Variants in CMTM4 observed in about 807,000 individuals in gnomAD.
CMTM4 encodes CKLF-like MARVEL transmembrane domain-containing protein 4.
Under a neutral mutation model 19.0 loss-of-function variants are expected in CMTM4, and 8 were observed. That is an observed-to-expected ratio of 0.42 (90% CI 0.25 to 0.76). The LOEUF is 0.76. CMTM4 is among the 30% of genes least tolerant of loss of function. The probability of loss-of-function intolerance (pLI) is 0.27; values close to 1 mark genes in which losing one functional copy is unlikely to be tolerated. For synonymous variants in CMTM4, 106 were observed against 121.1 expected (o/e 0.88, Z 0.82); for missense variants, 228 against 290.2 (o/e 0.79, Z 1.56).
intron 1 of CMTM4, among the ~76,000 whole-genome samples, chr16:66,662,957 A>C (rs2016524655): frequency 6.6e-6 from 1 of 152,222 alleles, no homozygotes; most frequent in Non-Finnish European, 1.5e-5. Context: ...GACGTTGAGA[A>C]TGAACTATGG....
chr16:66,610,654 G>C (rs753557245), downstream of CMTM4, among the ~76,000 whole-genome samples: 4 of 152,132 alleles, frequency 2.6e-5, no homozygotes, highest in Non-Finnish European at 5.9e-5. This position sits in a 1 kb window ranked among gnomAD's most constrained non-coding sequence, Gnocchi z 4.6. Flanking sequence ...AAGGCTGAGA[G>C]CAGAGACAGC....
downstream of CMTM4, chr16:66,610,027 C>T: frequency 6.2e-7 from 1 of 1,612,526 alleles, no homozygotes; most frequent in Non-Finnish European, 8.5e-7. This position sits in a 1 kb window ranked among gnomAD's most constrained non-coding sequence, Gnocchi z 4.6. Context: ...CTGATCACCC[C>T]AGCAGTGCTG....
At chr16:66,686,841 G>A (rs1308602428) in intron 1 of CMTM4, among the ~76,000 whole-genome samples, 1 of 151,024 alleles carries the variant, frequency 6.6e-6, no homozygotes, top group Non-Finnish European at 1.5e-5. Flanking sequence ...TTCAAAAGAA[G>A]AATCCAGGCT....
chr16:66,669,782 G>C (rs148513673), intron 1 of CMTM4, among the ~76,000 whole-genome samples: 2 of 152,054 alleles, frequency 1.3e-5, no homozygotes, highest in East Asian at 1.9e-4. Context: ...CTGACCTTGT[G>C]ATCCACCCAC....
rs1430106793 is a variant in CMTM4 at position 66,618,440 on chromosome 16, TCTC to T, written c.*3615_*3617del. On this transcript the variant is annotated 3_prime_UTR_variant, in exon 4 of 4. Coordinates refer to ENST00000394106, the MANE Select transcript of CMTM4 (RefSeq NM_181521.3). Reference sequence around the variant, plus strand: ...TTCAGGTGTCTCCATGCTCTATTCATCTCCTAGGTGCTAAGACCAACCCACAGA... The same window carrying T: ...TTCAGGTGTCTCCATGCTCTATTCATCTAGGTGCTAAGACCAACCCACAGA... 1 of 985,282 alleles carries T rather than the reference TCTC, an allele frequency of 1.0e-6. No individual in the cohort carries two copies. The highest frequency in any genetic ancestry group is 1.7e-5 in the African/African-American group (1 of 57,222). 61.0% of individuals were successfully genotyped at this position (985,282 alleles called of 1,614,324 possible).
At chr16:66,643,635 A>C (rs2016136758) in intron 1 of CMTM4, among the ~76,000 whole-genome samples, 1 of 152,232 alleles carries the variant, frequency 6.6e-6, no homozygotes, top group African/African-American at 2.4e-5. Flanking sequence ...CTATAAATGC[A>C]CTAAACGTTT....
intron 1 of CMTM4, among the ~76,000 whole-genome samples, chr16:66,694,102 A>G (rs903063053): frequency 2.0e-5 from 3 of 152,140 alleles, no homozygotes; most frequent in Non-Finnish European, 2.9e-5. Context: ...AGAGAAAAGA[A>G]AAGAAAAAAA....
intron 1 of CMTM4, among the ~76,000 whole-genome samples, chr16:66,674,728 T>C (rs1228168393): frequency 6.7e-6 from 1 of 148,466 alleles, no homozygotes; most frequent in Admixed American, 6.7e-5. Context: ...AGGTGTTACA[T>C]ATTCTTTTTT....
chr16:66,684,833 AAAGTTT>A (rs2017003877), intron 1 of CMTM4, among the ~76,000 whole-genome samples: 1 of 152,148 alleles, frequency 6.6e-6, no homozygotes, highest in African/African-American at 2.4e-5. Flanking sequence ...AACTGAGGTC[AAAGTTT>A]AAGTCAGCTG....
In CMTM4 at chr16:66,625,668, G is replaced by T. The variant is rs549340303; in HGVS notation, c.364-2166C>A. ...AGGCTAAGAAACCAGATTAAACCAG[G>T]GGAAAAAAACGCCAGCAACTGCTAA... On this transcript the variant is annotated intron_variant, in intron 2 of 3. Coordinates refer to ENST00000394106, the MANE Select transcript of CMTM4 (RefSeq NM_181521.3). 1.1e-4 allele frequency among the ~76,000 whole-genome samples: 16 copies of T among 152,110 alleles called. No homozygotes were observed. The South Asian group carries it at 3.1e-3, about 30-fold the overall frequency.
chr16:66,671,844 C>T (rs780048034), intron 1 of CMTM4, among the ~76,000 whole-genome samples: 48 of 151,502 alleles, frequency 3.2e-4, no homozygotes, highest in African/African-American at 1.1e-3. Flanking sequence ...CAGGGAGACC[C>T]GGTCTCTACA....
At chr16:66,673,348 C>A (rs2144886179) in intron 1 of CMTM4, among the ~76,000 whole-genome samples, 1 of 151,768 alleles carries the variant, frequency 6.6e-6, no homozygotes, top group East Asian at 1.9e-4. Context: ...GCTGGGACTA[C>A]AGGCTCACAC....
At chr16:66,662,762 G>C (rs916914283) in intron 1 of CMTM4, among the ~76,000 whole-genome samples, 2 of 152,146 alleles carry the variant, frequency 1.3e-5, no homozygotes, top group African/African-American at 2.4e-5. Context: ...TTGGGACACA[G>C]ACCCGAAAGA....
rs2015561086 is a variant in CMTM4 at position 66,618,211 on chromosome 16, C to T, written c.*3847G>A. ...GCAGGAAGCAACTTGTTATTCTGCT[C>T]AAGAGAATCCACCAGCAGCTCTTGG... On this transcript the variant is annotated 3_prime_UTR_variant, in exon 4 of 4. Transcript: ENST00000394106. The T allele has an allele frequency of 1.0e-6, 1 of 985,360 alleles. No individual in the cohort carries two copies. The highest frequency in any genetic ancestry group is 6.1e-5 in the Admixed American group (1 of 16,278). 61.0% of individuals were successfully genotyped at this position (985,360 alleles called of 1,614,324 possible).
intron 1 of CMTM4, among the ~76,000 whole-genome samples, chr16:66,683,564 C>G (rs1029614692): frequency 2.0e-5 from 3 of 151,590 alleles, no homozygotes; most frequent in Non-Finnish European, 4.4e-5. Flanking sequence ...GTGCTGGGAG[C>G]TACCACGCCC....
At chr16:66,673,932 C>T (rs1003623362) in intron 1 of CMTM4, among the ~76,000 whole-genome samples, 4 of 152,194 alleles carry the variant, frequency 2.6e-5, no homozygotes, top group Non-Finnish European at 5.9e-5. Context: ...CACAATGGGG[C>T]CATGGCCACT....
At chr16:66,688,545 C>T (rs1344579493) in intron 1 of CMTM4, among the ~76,000 whole-genome samples, 1 of 152,128 alleles carries the variant, frequency 6.6e-6, no homozygotes. Flanking sequence ...CACACACACA[C>T]ACACACATTC....
At chr16:66,680,559 G>C (rs143950539) in intron 1 of CMTM4, among the ~76,000 whole-genome samples, 93 of 151,754 alleles carry the variant, frequency 6.1e-4, no homozygotes, top group Non-Finnish European at 1.1e-3. Context: ...CAGATCACGA[G>C]GTCAGGAGAT....
the CMTM4 span, among the ~76,000 whole-genome samples, chr16:66,600,271 T>A: frequency 1.6e-4 from 25 of 151,650 alleles, no homozygotes; most frequent in Admixed American, 1.5e-3. Context: ...GCCTCCTGAG[T>A]AGCTAGAACT....
Sources: gnomAD v4.1 joint callset for allele counts (sites outside exome capture counted in the v4.1 genomes callset) on GRCh38, gnomAD v4.1.1 for gene constraint, Gnocchi (gnomAD v3.1) non-coding constraint, MANE v1.5 for transcripts, NCBI Gene and HGNC (gene_info 2026-07-23, HGNC 2026-07-21) for gene names.